HHIP: variants seen among roughly 807,000 people sequenced by gnomAD.
HHIP encodes the protein hedgehog-interacting protein.
Under a neutral mutation model 74.0 loss-of-function variants are expected in HHIP, and 12 were observed. That is an observed-to-expected ratio of 0.16 (90% confidence interval 0.10 to 0.26). HHIP has a LOEUF of 0.26. Ranked by LOEUF, HHIP falls within the 10% of genes least tolerant of loss-of-function variation. The pLI is 1.00. For missense variants in HHIP, 788 were observed against 845.0 expected (o/e 0.93, Z 0.84); for synonymous variants, 309 against 311.6 (o/e 0.99, Z 0.09).
In HHIP at chr4:144,738,546, G is replaced by C; in HGVS notation, c.*589G>C. On this transcript the variant is annotated 3_prime_UTR_variant, in exon 13 of 13. Coordinates refer to ENST00000296575, the MANE Select transcript of HHIP (RefSeq NM_022475.3). ...ACCTTTTTATTGGCTGAGAAATCTG[G>C]TTATTTCATCTTAATCTCAAGATTG... 1 of 896,680 alleles carries C rather than the reference G, an allele frequency of 1.1e-6. No homozygotes were observed. Among genetic ancestry groups the C allele is most frequent in the Non-Finnish European group, 1.3e-6 (1 of 749,016 alleles). 55.5% of individuals were successfully genotyped at this position (896,680 alleles called of 1,614,324 possible).
At position 144,744,290 on chromosome 4, in the gene HHIP, T is replaced by C. The variant is rs1445634273; in HGVS notation, c.*6333T>C. On this transcript the variant is annotated 3_prime_UTR_variant, in exon 13 of 13. Transcript: ENST00000296575. Reference sequence around the variant, plus strand: ...AATACTTAAATGAGAATTCTGTGTCTTTTTTGGTTTTATCTGTGATTTATT... The same window carrying C: ...AATACTTAAATGAGAATTCTGTGTCCTTTTTGGTTTTATCTGTGATTTATT... 6.6e-6 allele frequency: 1 copy of C among 152,206 alleles called. No homozygotes were observed. 9.4% of individuals were successfully genotyped at this position (152,206 alleles called of 1,614,324 possible).
At position 144,657,011 on chromosome 4, in the gene HHIP, T is replaced by TAC. The variant is rs897146244; in HGVS notation, c.473-1771_473-1770dup. On this transcript the variant is annotated intron_variant, in intron 2 of 12. Coordinates refer to ENST00000296575, the MANE Select transcript of HHIP (RefSeq NM_022475.3). The stretch of plus-strand genomic sequence containing the variant: ...CTCTGTGCCCCCCACCGCATGCATG[T>TAC]ACACACACATACACACACACTCCCA... 9.9e-5 allele frequency among the ~76,000 whole-genome samples: 15 copies of TAC among 152,094 alleles called. No homozygotes were observed. The East Asian group carries it at 2.5e-3, about 25-fold the overall frequency.
chr4:144,696,180 A>G (rs528584877), intron 4 of HHIP, among the ~76,000 whole-genome samples: 2 of 152,058 alleles, frequency 1.3e-5, no homozygotes, highest in South Asian at 4.1e-4. Context: ...TTATCTGAGC[A>G]ACCTTATGTG....
chr4:144,684,412 C>G (rs912863458), intron 4 of HHIP, among the ~76,000 whole-genome samples: 1 of 150,278 alleles, frequency 6.7e-6, no homozygotes, highest in Admixed American at 6.6e-5. Flanking sequence ...GCGCTCGCCA[C>G]CACGCCCGGC....
In HHIP at chr4:144,659,550, G is replaced by A. The variant is rs1018851561; in HGVS notation, c.630-87G>A. 3.9e-5 allele frequency: 32 copies of A among 819,594 alleles called. No homozygotes were observed. The African/African-American group carries it at 4.2e-4, about 11-fold the overall frequency. 50.8% of individuals were successfully genotyped at this position (819,594 alleles called of 1,614,324 possible). On this transcript the variant is annotated intron_variant, in intron 3 of 12. Coordinates refer to ENST00000296575, the MANE Select transcript of HHIP (RefSeq NM_022475.3). ...GGTTCTCAAAACCATGATTCCTAGA[G>A]GAAATAGAGTTTGAAAAGGATGCCA...
chr4:144,652,131 A>G (rs1356759331), intron 1 of HHIP, among the ~76,000 whole-genome samples: 1 of 152,118 alleles, frequency 6.6e-6, no homozygotes, highest in Non-Finnish European at 1.5e-5. Flanking sequence ...TAACCCAAGT[A>G]TATTTTTGAC....
intron 4 of HHIP, among the ~76,000 whole-genome samples, chr4:144,704,820 G>A (rs950805082): frequency 2.6e-5 from 4 of 152,126 alleles, no homozygotes; most frequent in African/African-American, 9.7e-5. Context: ...AATGTGCAGT[G>A]GCTTCTCTAC....
At chr4:144,686,256 C>T (rs186233700) in intron 4 of HHIP, among the ~76,000 whole-genome samples, 1 of 152,044 alleles carries the variant, frequency 6.6e-6, no homozygotes, top group Non-Finnish European at 1.5e-5. Flanking sequence ...TCCCTAGAGG[C>T]TCTAAGAAGT....
intron 4 of HHIP, among the ~76,000 whole-genome samples, chr4:144,692,873 A>G (rs533816469): frequency 4.1e-5 from 5 of 122,118 alleles, no homozygotes; most frequent in Admixed American, 1.7e-4. Flanking sequence ...TAACTCTCCC[A>G]AAGTTAGAAA....
At chr4:144,660,279 C>T (rs1005079665) in intron 4 of HHIP, 1 of 190,464 alleles carries the variant, frequency 5.3e-6, no homozygotes, top group Admixed American at 6.1e-5. Context: ...ACTACAACTT[C>T]CTTGTACAAT....
chr4:144,738,595 T>A lies in HHIP; in HGVS notation c.*638T>A. 1 of 750,652 alleles carries A rather than the reference T, an allele frequency of 1.3e-6. No individual in the cohort carries two copies. Among genetic ancestry groups the A allele is most frequent in the Non-Finnish European group, 1.6e-6 (1 of 615,752 alleles). The allele number at this position is 750,652 out of a possible 1,614,324, so 46.5% of individuals were successfully genotyped here. On this transcript the variant is annotated 3_prime_UTR_variant, in exon 13 of 13. Coordinates refer to ENST00000296575, the MANE Select transcript of HHIP (RefSeq NM_022475.3). ...TGTTTTCAAGTGTTTTATAATTAAATCATAATAGCATATTTTAAAATCAAT... is the reference window on the plus strand; with the variant it reads ...TGTTTTCAAGTGTTTTATAATTAAAACATAATAGCATATTTTAAAATCAAT...
intron 11 of HHIP, among the ~76,000 whole-genome samples, chr4:144,719,987 G>A (rs887413471): frequency 1.6e-4 from 25 of 152,262 alleles, no homozygotes; most frequent in Admixed American, 4.6e-4. Flanking sequence ...ACGCTTTTCT[G>A]AGGGAAATGT....
intron 7 of HHIP, 140 bp downstream of exon 7, chr4:144,708,451 G>A: frequency 1.4e-6 from 1 of 728,834 alleles, no homozygotes; most frequent in Non-Finnish European, 2.3e-6. Flanking sequence ...GTCACAACAG[G>A]TCATTACTCA....
chr4:144,723,081 T>C (rs1009847753), intron 11 of HHIP, among the ~76,000 whole-genome samples: 5 of 152,210 alleles, frequency 3.3e-5, no homozygotes, highest in Non-Finnish European at 5.9e-5. Context: ...ATGACTTTTT[T>C]TGAAACATTT....
chr4:144,705,428 C>T (rs1279373436), intron 4 of HHIP, among the ~76,000 whole-genome samples: 1 of 152,070 alleles, frequency 6.6e-6, no homozygotes, highest in Non-Finnish European at 1.5e-5. Flanking sequence ...AGCTTTTTGC[C>T]ATACGCTATG....
At chr4:144,714,711 T>C (rs1031793001) in intron 9 of HHIP, among the ~76,000 whole-genome samples, 1 of 152,198 alleles carries the variant, frequency 6.6e-6, no homozygotes, top group Non-Finnish European at 1.5e-5. Context: ...AAAAATTATA[T>C]TGCAAGGCTC....
chr4:144,743,789 GC>G lies in HHIP; in HGVS notation c.*5833del, dbSNP rs1731322776. The G allele has an allele frequency of 6.6e-6, 1 of 152,008 alleles. No homozygotes were observed. Among genetic ancestry groups the G allele is most frequent in the South Asian group, 2.1e-4 (1 of 4,828 alleles). 9.4% of individuals were successfully genotyped at this position (152,008 alleles called of 1,614,324 possible). On this transcript the variant is annotated 3_prime_UTR_variant, in exon 13 of 13. Coordinates refer to ENST00000296575, the MANE Select transcript of HHIP (RefSeq NM_022475.3). ...TTCATAATGGCTAAATATGAAATAA[GC>G]TTTGTCTTTGCAGTTACAAACTAAT...
At chr4:144,715,513 G>A (rs527976472) in intron 10 of HHIP, 83 bp downstream of exon 10, 293 of 1,319,826 alleles carry the variant, frequency 2.2e-4, no homozygotes, top group Non-Finnish European at 3.0e-4. Context: ...AATAAATACA[G>A]CAATCTTATC....
rs762638037 is a variant in HHIP, at chr4:144,737,837, T to A, written c.1983T>A (p.Tyr661Ter). 6.2e-7 allele frequency: 1 copy of A among 1,613,968 alleles called. No individual in the cohort carries two copies. Among genetic ancestry groups the A allele is most frequent in the Non-Finnish European group, 8.5e-7 (1 of 1,179,874 alleles). ...RPNKCLCKKG[Y>*]LGPQCEQVDR... ...ACAAGTGCCTCTGTAAAAAAGGATATCTTGGTCCTCAATGTGAACAAGTGG... is the reference window on the plus strand; with the variant it reads ...ACAAGTGCCTCTGTAAAAAAGGATAACTTGGTCCTCAATGTGAACAAGTGG... Residue 661 changes from tyrosine to a stop codon, truncating the protein, a stop_gained, in exon 13 of 13, where the codon TAT becomes TAA. Transcript: ENST00000296575. LOFTEE classifies it high-confidence loss of function.
Sources: gnomAD v4.1 joint callset for allele counts (sites outside exome capture counted in the v4.1 genomes callset) on GRCh38, gnomAD v4.1.1 for gene constraint, MANE v1.5 for transcripts, NCBI Gene and HGNC (gene_info 2026-07-23, HGNC 2026-07-21) for gene names.